Variants in PPP3CA observed in about 807,000 individuals in gnomAD.
PPP3CA encodes protein phosphatase 3 catalytic subunit alpha, also known as CAM-PRP catalytic subunit.
Under a neutral mutation model 66.5 loss-of-function variants are expected in PPP3CA, and 14 were observed. That is an observed-to-expected ratio of 0.21 (90% confidence interval 0.14 to 0.33). The LOEUF is 0.33. PPP3CA is among the 10% of genes least tolerant of loss of function. The pLI, the probability that PPP3CA is intolerant of heterozygous loss-of-function variation, is 1.00. For synonymous variants in PPP3CA, 232 were observed against 226.2 expected (o/e 1.03, Z -0.23); for missense variants, 317 against 639.5 (o/e 0.50, Z 5.44).
At chr4:101,311,700 A>T (rs187938791) in intron 1 of PPP3CA, among the ~76,000 whole-genome samples, 24 of 152,266 alleles carry the variant, frequency 1.6e-4, no homozygotes, top group Middle Eastern at 3.4e-3. Context: ...GAATAGCTTG[A>T]ACCCAGGAGG....
chr4:101,052,951 G>A (rs904722782), intron 10 of PPP3CA, among the ~76,000 whole-genome samples: 14 of 151,940 alleles, frequency 9.2e-5, no homozygotes, highest in East Asian at 5.8e-4. Flanking sequence ...CCTATATCCT[G>A]TGACTAGCAT....
At chr4:101,121,386 T>C (rs1037224131) in intron 2 of PPP3CA, among the ~76,000 whole-genome samples, 4 of 152,168 alleles carry the variant, frequency 2.6e-5, no homozygotes, top group Non-Finnish European at 5.9e-5. Flanking sequence ...TATTCCTTGC[T>C]TAATGTATTT....
chr4:101,331,543 C>T (rs181467565), intron 1 of PPP3CA, among the ~76,000 whole-genome samples: 67 of 152,242 alleles, frequency 4.4e-4, no homozygotes, highest in African/African-American at 1.6e-3. Flanking sequence ...ATCCATCGTG[C>T]GTACAACAGA....
At chr4:101,112,848 G>C (rs938929131) in intron 2 of PPP3CA, among the ~76,000 whole-genome samples, 1 of 152,012 alleles carries the variant, frequency 6.6e-6, no homozygotes, top group Non-Finnish European at 1.5e-5. Context: ...TATAACCACT[G>C]CTAAGCTGGA....
chr4:101,244,748 C>G (rs1331765610), intron 1 of PPP3CA, among the ~76,000 whole-genome samples: 2 of 152,156 alleles, frequency 1.3e-5, no homozygotes, highest in Non-Finnish European at 2.9e-5. Context: ...TGAAGTTGTG[C>G]TATACATGAT....
Position 101,346,905 on chromosome 4 carries a change from G to GCA in PPP3CA, c.-110_-109insTG. ...CCGCCGCCGCCGCCGCCGCCGCCGCGCTGCAAACCGCTCGGCTGGAGGTCT... is the reference window on the plus strand; with the variant it reads ...CCGCCGCCGCCGCCGCCGCCGCCGCGCACTGCAAACCGCTCGGCTGGAGGTCT... On this transcript the variant is annotated 5_prime_UTR_variant, in exon 1 of 14. Transcript: ENST00000394854. 1.1e-6 allele frequency: 1 copy of GCA among 914,098 alleles called. No individual in the cohort carries two copies. Among genetic ancestry groups the GCA allele is most frequent in the Non-Finnish European group, 1.5e-6 (1 of 650,448 alleles). The allele number at this position is 914,098 out of a possible 1,614,324, so 56.6% of individuals were successfully genotyped here.
intron 1 of PPP3CA, among the ~76,000 whole-genome samples, chr4:101,206,377 C>G (rs1391387761): frequency 2.6e-5 from 4 of 152,140 alleles, no homozygotes; most frequent in African/African-American, 9.7e-5. Context: ...ATCAAACATG[C>G]ATTTTTTAAT....
At chr4:101,043,760 A>G (rs2110213049) in intron 10 of PPP3CA, among the ~76,000 whole-genome samples, 1 of 152,250 alleles carries the variant, frequency 6.6e-6, no homozygotes, top group South Asian at 2.1e-4. Flanking sequence ...CTGTATTCCC[A>G]GCTACTCAGG....
At position 101,063,311 on chromosome 4, in the gene PPP3CA, G is replaced by A; in HGVS notation, c.1002C>T (p.Phe334=). 2 of 1,610,922 alleles carry A rather than the reference G, an allele frequency of 1.2e-6. No homozygotes were observed. Among genetic ancestry groups the A allele is most frequent in the Non-Finnish European group, 8.5e-7 (1 of 1,177,974 alleles). ...YENNVMNIRQ[F]NCSPHPYWLP... ...GCCAGTATGGATGAGGAGAACAGTT[G>A]AATTGCCTGATATTCATAACATTGT... is the stretch of plus-strand genomic sequence containing the variant. Residue 334 remains phenylalanine (F), a synonymous_variant, in exon 9 of 14, where the codon TTC becomes TTT. Coordinates refer to ENST00000394854, the MANE Select transcript of PPP3CA (RefSeq NM_000944.5).
chr4:101,221,633 T>C (rs1439648131), intron 1 of PPP3CA, among the ~76,000 whole-genome samples: 4 of 151,682 alleles, frequency 2.6e-5, no homozygotes, highest in Admixed American at 6.6e-5. Context: ...GACTACTTTA[T>C]TGAAAAACCA....
intron 2 of PPP3CA, among the ~76,000 whole-genome samples, chr4:101,145,027 C>T (rs865924214): frequency 6.6e-6 from 1 of 151,994 alleles, no homozygotes; most frequent in Non-Finnish European, 1.5e-5. Flanking sequence ...TATTTTCTTT[C>T]CTAGTCTAGT....
intron 1 of PPP3CA, chr4:101,330,405 G>C (rs1304142543): frequency 3.8e-6 from 2 of 532,190 alleles, no homozygotes; most frequent in African/African-American, 3.9e-5. Flanking sequence ...CAACTCAAAG[G>C]ATTTCCAATA....
intron 1 of PPP3CA, among the ~76,000 whole-genome samples, chr4:101,286,028 G>T (rs535989984): frequency 2.0e-5 from 3 of 152,150 alleles, no homozygotes; most frequent in Non-Finnish European, 4.4e-5. Context: ...TGTACAAGGC[G>T]GGGGTGGATG....
At chr4:101,029,316 G>T in intron 12 of PPP3CA, 121 bp from the exon 13 acceptor site, 9 of 374,312 alleles carry the variant, frequency 2.4e-5, no homozygotes, top group East Asian at 9.9e-5. Flanking sequence ...GTAAGTGCTA[G>T]ATTCTGGCAC....
chr4:101,198,393 G>C (rs939178527), intron 1 of PPP3CA, among the ~76,000 whole-genome samples: 8 of 152,276 alleles, frequency 5.3e-5, no homozygotes, highest in Non-Finnish European at 8.8e-5. Flanking sequence ...ATATGGGCTG[G>C]GGGCTAGAAA....
intron 1 of PPP3CA, among the ~76,000 whole-genome samples, chr4:101,233,843 TAA>T (rs1726041069): frequency 6.6e-6 from 1 of 151,678 alleles, no homozygotes; most frequent in South Asian, 2.1e-4. Context: ...TAGGGTTTGT[TAA>T]TACTGTTTCA....
intron 1 of PPP3CA, among the ~76,000 whole-genome samples, chr4:101,285,804 G>C (rs1037901072): frequency 1.3e-5 from 2 of 152,076 alleles, no homozygotes; most frequent in Non-Finnish European, 2.9e-5. Context: ...ATACTAGTGT[G>C]AATCACCACA....
At chr4:101,295,888 A>G (rs1304084123) in intron 1 of PPP3CA, among the ~76,000 whole-genome samples, 1 of 152,232 alleles carries the variant, frequency 6.6e-6, no homozygotes, top group Non-Finnish European at 1.5e-5. Context: ...AGAGAGTGAG[A>G]TATTTTATTC....
chr4:101,029,103 G>A (rs978287947), intron 13 of PPP3CA, 63 bp downstream of exon 13: 24 of 1,482,224 alleles, frequency 1.6e-5, no homozygotes, highest in Admixed American at 8.4e-5. Context: ...GCAAAAAAAT[G>A]AATACACCCA....
Sources: allele counts gnomAD v4.1 joint callset (sites outside exome capture counted in the v4.1 genomes callset), GRCh38; gene constraint gnomAD v4.1.1; transcripts MANE v1.5; gene names NCBI Gene and HGNC (gene_info 2026-07-23, HGNC 2026-07-21).